B4GALNT1: variants seen among roughly 807,000 people sequenced by gnomAD.
B4GALNT1 encodes the protein beta-1,4 N-acetylgalactosaminyltransferase 1.
B4GALNT1 carries 43 observed loss-of-function variants against 55.2 expected under a neutral mutation model. That is an observed-to-expected ratio of 0.78 (90% CI 0.61 to 1.00). The LOEUF (loss-of-function observed/expected upper bound fraction) is 1.00, where lower values mean the gene tolerates loss of function less well. Among genes scored for constraint, B4GALNT1 ranks in the 50% least tolerant of loss-of-function variants. B4GALNT1 has a pLI of 0.00. For missense variants in B4GALNT1, 664 were observed against 729.7 expected (o/e 0.91, Z 1.04); for synonymous variants, 305 against 311.6 (o/e 0.98, Z 0.22).
rs1371367155 is a variant in B4GALNT1, at chr12:57,625,887, C to A, written c.*857G>T. 10 of 966,670 alleles carry A rather than the reference C, an allele frequency of 1.0e-5. No individual in the cohort carries two copies. The highest frequency in any genetic ancestry group is 1.4e-5 in the Non-Finnish European group (10 of 710,702). The allele number at this position is 966,670 out of a possible 1,614,324, so 59.9% of individuals were successfully genotyped here. On this transcript the variant is annotated 3_prime_UTR_variant, in exon 11 of 11. Coordinates refer to ENST00000341156, the MANE Select transcript of B4GALNT1 (RefSeq NM_001478.5). ...CCCGGGCTGAGCTATGGGTGAGGAA[C>A]TGAAGAACTCAGATCCCTAAGTAGG...
chr12:57,632,565 G>A, intron 1 of B4GALNT1: 2 of 260,306 alleles, frequency 7.7e-6, no homozygotes, highest in Non-Finnish European at 1.5e-5. Flanking sequence ...GCTGCGGAGG[G>A]CGGCTCCACA....
Position 57,623,432 on chromosome 12 carries a change from A to AT in B4GALNT1, c.*3311dup, listed in dbSNP as rs1307236709. 2.5e-5 allele frequency: 12 copies of AT among 471,014 alleles called. No individual in the cohort carries two copies. The highest frequency in any genetic ancestry group is 1.9e-4 in the Admixed American group (5 of 25,740). The allele number at this position is 471,014 out of a possible 1,614,324, so 29.2% of individuals were successfully genotyped here. On this transcript the variant is annotated 3_prime_UTR_variant, in exon 11 of 11. Transcript: ENST00000341156. ...AATAAACTTAAGAGATAAAATTCTT[A>AT]TTTTTTTCACACAATGACATTGTCT...
chr12:57,623,456 C>A lies in B4GALNT1; in HGVS notation c.*3288G>T. The A allele has an allele frequency of 2.2e-6, 1 of 450,576 alleles. No homozygotes were observed. 27.9% of individuals were successfully genotyped at this position (450,576 alleles called of 1,614,324 possible). ...TATTTTTTTCACACAATGACATTGT[C>A]TTTTAAAAGGAATATCACATATCAA... is the stretch of plus-strand genomic sequence containing the variant. On this transcript the variant is annotated 3_prime_UTR_variant, in exon 11 of 11. Transcript: ENST00000341156.
In B4GALNT1 at chr12:57,625,826, C is replaced by A. The variant is rs527399372; in HGVS notation, c.*918G>T. The A allele has an allele frequency of 2.1e-6, 3 of 1,429,740 alleles. No individual in the cohort carries two copies. The highest frequency in any genetic ancestry group is 5.5e-5 in the Admixed American group (2 of 36,074). 88.6% of individuals were successfully genotyped at this position (1,429,740 alleles called of 1,614,324 possible). A position where few individuals can be genotyped will look rare whatever the true frequency, so the allele number is the denominator to read the frequency against. On this transcript the variant is annotated 3_prime_UTR_variant, in exon 11 of 11. Transcript: ENST00000341156. ...AAGATCAAGAAGAAAAGGGTGGGGA[C>A]GGAATGAATAGTAGATTGAAGACCA...
intron 6 of B4GALNT1, chr12:57,629,408 A>C (rs1425959627): frequency 2.7e-6 from 1 of 375,676 alleles, no homozygotes; most frequent in Non-Finnish European, 4.7e-6. Context: ...ATATGCACTC[A>C]TTTTATCCCC....
intron 4 of B4GALNT1, 87 bp from the exon 5 acceptor site, chr12:57,630,605 T>C (rs1021577240): frequency 1.3e-5 from 18 of 1,427,960 alleles, no homozygotes; most frequent in Middle Eastern, 1.8e-4. Context: ...CCACACACAA[T>C]AGAGAACTTT....
intron 10 of B4GALNT1, 131 bp from the exon 11 acceptor site, chr12:57,627,092 TA>T (rs1390680064): frequency 1.4e-6 from 1 of 722,564 alleles, no homozygotes; most frequent in Non-Finnish European, 2.4e-6. Flanking sequence ...CCTGAGCATG[TA>T]AATCAACTCC....
chr12:57,628,111 C>T lies in B4GALNT1; in HGVS notation c.1143+11G>A. The T allele has an allele frequency of 6.2e-7, 1 of 1,613,416 alleles. No homozygotes were observed. The highest frequency in any genetic ancestry group is 8.5e-7 in the Non-Finnish European group (1 of 1,180,010). On this transcript the variant is annotated intron_variant, in intron 9 of 10. Coordinates refer to ENST00000341156, the MANE Select transcript of B4GALNT1 (RefSeq NM_001478.5). The stretch of plus-strand genomic sequence containing the variant: ...CTTCTCCACCCCCACATCCTGCAGC[C>T]CCTGCCCTACCAGGTCCAGCGGCGT...
In B4GALNT1 at chr12:57,629,069, G is replaced by A. The variant is rs1223015644; in HGVS notation, c.790C>T (p.Pro264Ser). The change falls in exon 7 of 11, where the codon CCT (proline) becomes TCT (serine). Residue 264 changes from proline (P) to serine (S), a missense_variant. By Grantham distance (74) the Pro-to-Ser change is moderately conservative. Transcript: ENST00000341156. ...RHPPNPRLYP[P>S]GSLPQGAQYN... ...TCACCTCCCTGGGGTAGAGACCCAG[G>A]TGGGTACAGCCGAGGGTTGGGCGGG... The A allele has an allele frequency of 6.3e-7, 1 of 1,591,464 alleles. No homozygotes were observed. Among genetic ancestry groups the A allele is most frequent in the Admixed American group, 1.7e-5 (1 of 58,668 alleles).
At chr12:57,631,568 G>C (rs963381000) in intron 2 of B4GALNT1, among the ~76,000 whole-genome samples, 1 of 152,152 alleles carries the variant, frequency 6.6e-6, no homozygotes, top group African/African-American at 2.4e-5. Context: ...TTTTAGAGTT[G>C]TAGGATAGGG....
At chr12:57,628,471 C>T in intron 8 of B4GALNT1, 2 of 840,262 alleles carry the variant, frequency 2.4e-6, no homozygotes, top group Non-Finnish European at 3.6e-6. Flanking sequence ...TTTCCGTGTG[C>T]ATTTATTTAT....
At position 57,630,191 on chromosome 12, in the gene B4GALNT1, AAGTGACC is replaced by A; in HGVS notation, c.666_672del (p.Val223ThrfsTer29). 1 of 1,614,162 alleles carries A rather than the reference AAGTGACC, an allele frequency of 6.2e-7. No homozygotes were observed. Among genetic ancestry groups the A allele is most frequent in the Non-Finnish European group, 8.5e-7 (1 of 1,180,014 alleles). ...TTGGTCTGGTAGCTTCGGCTGCTGTAAGTGACCAGTTGTAGTTGCCTGTTGAGTTGGT... is the reference window on the plus strand; with the variant it reads ...TTGGTCTGGTAGCTTCGGCTGCTGTAAGTTGTAGTTGCCTGTTGAGTTGGT... On this transcript the variant is annotated frameshift_variant, in exon 6 of 11. Coordinates refer to ENST00000341156, the MANE Select transcript of B4GALNT1 (RefSeq NM_001478.5). LOFTEE classifies it high-confidence loss of function.
chr12:57,625,389 C>T lies in B4GALNT1; in HGVS notation c.*1355G>A, dbSNP rs769968340. ...CATACCCTCTGATCTGGGACTTAACCCCTTTGCCCCATCCCTGCAGCTGGC... is the reference window on the plus strand; with the variant it reads ...CATACCCTCTGATCTGGGACTTAACTCCTTTGCCCCATCCCTGCAGCTGGC... On this transcript the variant is annotated 3_prime_UTR_variant, in exon 11 of 11. Coordinates refer to ENST00000341156, the MANE Select transcript of B4GALNT1 (RefSeq NM_001478.5). 6.2e-7 allele frequency: 1 copy of T among 1,614,138 alleles called. No homozygotes were observed. Among genetic ancestry groups the T allele is most frequent in the East Asian group, 2.2e-5 (1 of 44,874 alleles).
Position 57,630,186 on chromosome 12 carries a change from G to A in B4GALNT1, c.678C>T (p.Ser226=). 1 of 1,614,214 alleles carries A rather than the reference G, an allele frequency of 6.2e-7. No individual in the cohort carries two copies. The highest frequency in any genetic ancestry group is 2.2e-5 in the East Asian group (1 of 44,886). Residue 226 remains serine (S), a synonymous_variant, in exon 6 of 11, where the codon AGC becomes AGT. Transcript: ENST00000341156. ...CTGTGTTGGTCTGGTAGCTTCGGCT[G>A]CTGTAAGTGACCAGTTGTAGTTGCC... The part of the protein sequence containing the change: ...LNRQLQLVTY[S]SRSYQTNTAD...
In B4GALNT1 at chr12:57,623,812, G is replaced by T. The variant is rs1254536181; in HGVS notation, c.*2932C>A. On this transcript the variant is annotated 3_prime_UTR_variant, in exon 11 of 11. Coordinates refer to ENST00000341156, the MANE Select transcript of B4GALNT1 (RefSeq NM_001478.5). ...GGGTGGGAGGCTCTCTTCCTTTTTTGCTCCTGTTCCTCCTTTTCTCTAGCT... is the reference window on the plus strand; with the variant it reads ...GGGTGGGAGGCTCTCTTCCTTTTTTTCTCCTGTTCCTCCTTTTCTCTAGCT... 7 of 1,599,382 alleles carry T rather than the reference G, an allele frequency of 4.4e-6. No homozygotes were observed. Among genetic ancestry groups the T allele is most frequent in the Admixed American group, 3.5e-5 (2 of 57,344 alleles).
intron 3 of B4GALNT1, 53 bp downstream of exon 3, chr12:57,631,147 G>C (rs562244955): frequency 6.2e-7 from 1 of 1,611,776 alleles, no homozygotes; most frequent in Non-Finnish European, 8.5e-7. Flanking sequence ...CTCCCTCCCG[G>C]CACAATCACT....
At chr12:57,629,720 C>A in intron 6 of B4GALNT1, 1 of 1,385,748 alleles carries the variant, frequency 7.2e-7, no homozygotes, top group Non-Finnish European at 9.4e-7. Context: ...GTGCAAAGGC[C>A]CTAAGGTGGA....
At position 57,625,726 on chromosome 12, in the gene B4GALNT1, C is replaced by A. The variant is rs1188548252; in HGVS notation, c.*1018G>T. Reference sequence around the variant, plus strand: ...AGCACCAGGAGCGGGAGCCAGGAGGCACTGGGCTGCGGCAAGTGAGGCAGG... The same window carrying A: ...AGCACCAGGAGCGGGAGCCAGGAGGAACTGGGCTGCGGCAAGTGAGGCAGG... On this transcript the variant is annotated 3_prime_UTR_variant, in exon 11 of 11. Transcript: ENST00000341156. 6.5e-7 allele frequency: 1 copy of A among 1,531,794 alleles called. No homozygotes were observed. Among genetic ancestry groups the A allele is most frequent in the South Asian group, 1.3e-5 (1 of 76,602 alleles). The allele number at this position is 1,531,794 out of a possible 1,614,324, so 94.9% of individuals were successfully genotyped here. A position where few individuals can be genotyped will look rare whatever the true frequency, so the allele number is the denominator to read the frequency against.
Position 57,625,909 on chromosome 12 carries a change from TAGGTGGGGTACCCCTGAG to T in B4GALNT1, c.*817_*834del, listed in dbSNP as rs931005983. 12 of 740,468 alleles carry T rather than the reference TAGGTGGGGTACCCCTGAG, an allele frequency of 1.6e-5. No homozygotes were observed. The African/African-American group carries it at 2.1e-4, about 13-fold the overall frequency. 45.9% of individuals were successfully genotyped at this position (740,468 alleles called of 1,614,324 possible). The stretch of plus-strand genomic sequence containing the variant: ...GAACTGAAGAACTCAGATCCCTAAG[TAGGTGGGGTACCCCTGAG>T]AGGACTGCCACATTTCATTAAGGAA... On this transcript the variant is annotated 3_prime_UTR_variant, in exon 11 of 11. Transcript: ENST00000341156.
Sources: allele counts gnomAD v4.1 joint callset (sites outside exome capture counted in the v4.1 genomes callset), GRCh38; gene constraint gnomAD v4.1.1; transcripts MANE v1.5; gene names NCBI Gene and HGNC (gene_info 2026-07-23, HGNC 2026-07-21).